Variants in KIAA0753 observed in about 807,000 individuals in gnomAD.
The protein encoded by KIAA0753 is KIAA0753, also known as protein moonraker.
KIAA0753 carries 114 observed loss-of-function variants against 116.9 expected under a neutral mutation model. That is an observed-to-expected ratio of 0.98 (90% CI 0.84 to 1.14). KIAA0753 has a LOEUF of 1.14. Ranked by LOEUF, KIAA0753 falls within the 50% of genes most tolerant of loss-of-function variation. The pLI, the probability that KIAA0753 is intolerant of heterozygous loss-of-function variation, is 0.00. For missense variants in KIAA0753, 1,156 were observed against 1,172.4 expected (o/e 0.99, Z 0.20); for synonymous variants, 405 against 413.1 (o/e 0.98, Z 0.24).
chr17:6,619,100 G>T (rs1369781352), intron 7 of KIAA0753, among the ~76,000 whole-genome samples: 1 of 151,920 alleles, frequency 6.6e-6, no homozygotes, highest in Non-Finnish European at 1.5e-5. Context: ...GTGGTGGCAC[G>T]CACCTGTAAT....
intron 14 of KIAA0753, among the ~76,000 whole-genome samples, chr17:6,598,295 G>A (rs1405151632): frequency 1.3e-5 from 2 of 152,148 alleles, no homozygotes; most frequent in Non-Finnish European, 2.9e-5. Flanking sequence ...AATTTGTAAT[G>A]GCCAAATGTA....
chr17:6,612,979 A>G (rs1195207378), intron 7 of KIAA0753, among the ~76,000 whole-genome samples: 2 of 152,212 alleles, frequency 1.3e-5, no homozygotes, highest in East Asian at 1.9e-4. Flanking sequence ...AACTCCATAT[A>G]AGACATTCAA....
chr17:6,634,043 T>G (rs1800885556), intron 2 of KIAA0753, among the ~76,000 whole-genome samples: 1 of 152,040 alleles, frequency 6.6e-6, no homozygotes, highest in Non-Finnish European at 1.5e-5. Context: ...CTTTCACCAT[T>G]TCTGACGTAA....
chr17:6,611,583 C>T lies in KIAA0753; in HGVS notation c.1545+336G>A, dbSNP rs573283136. 1.2e-4 allele frequency among the ~76,000 whole-genome samples: 18 copies of T among 152,280 alleles called. No homozygotes were observed. In the South Asian group the frequency reaches 3.7e-3, roughly 32 times the overall value. ...CTGGGATTATAGGCCTGAGACACCA[C>T]ACCCGGCAGGAACCAAATCTTAATC... is the stretch of plus-strand genomic sequence containing the variant. On this transcript the variant is annotated intron_variant, in intron 8 of 18. Transcript: ENST00000361413.
chr17:6,622,578 T>C (rs1316023220), intron 6 of KIAA0753, among the ~76,000 whole-genome samples: 1 of 152,258 alleles, frequency 6.6e-6, no homozygotes, highest in Non-Finnish European at 1.5e-5. Context: ...TCTATGCTAA[T>C]AAATTTTTTT....
rs2028632 is a variant in KIAA0753 at position 6,584,006 on chromosome 17, C to T, written c.2787-4142G>A. On this transcript the variant is annotated intron_variant, in intron 18 of 18. Coordinates refer to ENST00000361413, the MANE Select transcript of KIAA0753 (RefSeq NM_014804.3). ...AGTAACAATCTAGAATCACCTCAAT[C>T]CAATCTGAGATAATTTGGAGCTGAG... Among the ~76,000 whole-genome samples the T allele has an allele frequency of 8.5e-3, 1,291 of 152,322 alleles. 8 individuals carry two copies. Among genetic ancestry groups the T allele is most frequent in the Non-Finnish European group, 0.013 (864 of 68,032 alleles).
At position 6,620,953 on chromosome 17, in the gene KIAA0753, T is replaced by C. The variant is rs1318598506; in HGVS notation, c.1150A>G (p.Lys384Glu). The C allele has an allele frequency of 6.2e-7, 1 of 1,613,910 alleles. No individual in the cohort carries two copies. The highest frequency in any genetic ancestry group is 8.5e-7 in the Non-Finnish European group (1 of 1,180,004). Reference sequence around the variant, plus strand: ...CTCCGAATTTCACTGAAACATTTTTTCACCTTTTTTGGTGACAGTTTCTTT... The same window carrying C: ...CTCCGAATTTCACTGAAACATTTTTCCACCTTTTTTGGTGACAGTTTCTTT... ...LEKKLSPKKV[K>E]KCFSEIRSRF... Residue 384 changes from lysine to glutamate, a missense_variant, in exon 7 of 19, where the codon AAA becomes GAA. Physicochemically the swap from Lys to Glu is moderately conservative, Grantham distance 56. Transcript: ENST00000361413.
chr17:6,585,102 TTTCTA>T (rs2150730639), intron 18 of KIAA0753, among the ~76,000 whole-genome samples: 1 of 152,114 alleles, frequency 6.6e-6, no homozygotes, highest in African/African-American at 2.4e-5. Context: ...CCTAAAAATG[TTTCTA>T]TTCTATCTGC....
intron 7 of KIAA0753, among the ~76,000 whole-genome samples, chr17:6,618,288 A>G (rs1250657486): frequency 2.6e-5 from 4 of 152,166 alleles, no homozygotes; most frequent in Admixed American, 6.5e-5. Context: ...TGTATCTTCT[A>G]TAACACCCTT....
intron 18 of KIAA0753, among the ~76,000 whole-genome samples, chr17:6,582,479 T>C (rs1428516581): frequency 1.3e-5 from 2 of 152,210 alleles, no homozygotes; most frequent in Non-Finnish European, 2.9e-5. Flanking sequence ...AAATGGTAAA[T>C]GCAGATAAGT....
Position 6,579,674 on chromosome 17 carries a change from C to A in KIAA0753, c.*73G>T. ...GATGGACAGCTGAGGATGAAAATTTCCTGTGGGCCAAAACAAAGGGTGGTG... is the reference window on the plus strand; with the variant it reads ...GATGGACAGCTGAGGATGAAAATTTACTGTGGGCCAAAACAAAGGGTGGTG... On this transcript the variant is annotated 3_prime_UTR_variant, in exon 19 of 19. Transcript: ENST00000361413. 1 of 1,063,052 alleles carries A rather than the reference C, an allele frequency of 9.4e-7. No individual in the cohort carries two copies. The allele number at this position is 1,063,052 out of a possible 1,614,324, so 65.9% of individuals were successfully genotyped here. A position where few individuals can be genotyped will look rare whatever the true frequency, so the allele number is the denominator to read the frequency against.
At chr17:6,620,437 C>CATAT (rs33939474) in intron 7 of KIAA0753, among the ~76,000 whole-genome samples, 1 of 119,362 alleles carries the variant, frequency 8.4e-6, no homozygotes, top group African/African-American at 3.1e-5. Context: ...TATATATACA[C>CATAT]ATATATATAT....
chr17:6,601,997 C>T (rs908495948), intron 12 of KIAA0753, among the ~76,000 whole-genome samples: 2 of 152,192 alleles, frequency 1.3e-5, no homozygotes, highest in African/African-American at 4.8e-5. Context: ...TGAACACACA[C>T]TTCATAATCA....
At chr17:6,594,921 T>G (rs1219682363) in intron 16 of KIAA0753, 51 bp downstream of exon 16, 1 of 1,420,036 alleles carries the variant, frequency 7.0e-7, no homozygotes, top group East Asian at 2.3e-5. Flanking sequence ...TCTGTATGTT[T>G]GAAATTCTTC....
intron 18 of KIAA0753, among the ~76,000 whole-genome samples, chr17:6,586,125 C>A (rs1020299512): frequency 4.3e-4 from 65 of 152,146 alleles, no homozygotes; most frequent in African/African-American, 1.5e-3. Context: ...TGGCATTCTC[C>A]CCCACCCCTT....
At chr17:6,598,774 AC>A (rs1969650811) in intron 14 of KIAA0753, among the ~76,000 whole-genome samples, 1 of 152,314 alleles carries the variant, frequency 6.6e-6, no homozygotes, top group East Asian at 1.9e-4. Flanking sequence ...TTCCTGGGTC[AC>A]CTTTTTCTCT....
intron 4 of KIAA0753, among the ~76,000 whole-genome samples, chr17:6,624,536 C>CCCCACA (rs71383417): frequency 6.9e-6 from 1 of 143,910 alleles, no homozygotes; most frequent in Admixed American, 7.0e-5. Context: ...GAGTTTGGCG[C>CCCCACA]CACACACACA....
intron 12 of KIAA0753, among the ~76,000 whole-genome samples, chr17:6,603,533 A>T (rs12601689): frequency 6.6e-6 from 1 of 152,200 alleles, no homozygotes; most frequent in Admixed American, 6.5e-5. Flanking sequence ...TGTACTTTCC[A>T]CTCTTCTTCC....
rs539591133 is a variant in KIAA0753 at position 6,600,397 on chromosome 17, G to C, written c.2071C>G (p.Leu691Val). 1.1e-4 allele frequency: 181 copies of C among 1,613,836 alleles called. 1 individual carries two copies. The South Asian group carries it at 1.7e-3, about 15-fold the overall frequency. The change falls in exon 13 of 19, where the codon CTC (leucine) becomes GTC (valine). Residue 691 changes from leucine (L) to valine (V), a missense_variant. Coordinates refer to ENST00000361413, the MANE Select transcript of KIAA0753 (RefSeq NM_014804.3). ...EEAVLDRLKP[L>V]LVKAQRVNST... is the part of the protein sequence containing the mutation. The stretch of plus-strand genomic sequence containing the variant: ...TAGATTACCTGGGCCTTGACCAAGA[G>C]AGGCTTCAAACGATCCAGAACTGCC...
Sources: gnomAD v4.1 joint callset for allele counts (sites outside exome capture counted in the v4.1 genomes callset) on GRCh38, gnomAD v4.1.1 for gene constraint, MANE v1.5 for transcripts, NCBI Gene and HGNC (gene_info 2026-07-23, HGNC 2026-07-21) for gene names.